Variants in LAMA3 observed in about 807,000 individuals in gnomAD.
LAMA3 encodes the protein laminin subunit alpha-3.
In LAMA3, 281 loss-of-function variants were observed where a neutral mutation model predicts 402.0. The observed-to-expected ratio is 0.70, with a 90% CI of 0.63 to 0.77. The LOEUF is 0.77. LAMA3 is among the 30% of genes least tolerant of loss of function. The pLI is 0.00. For synonymous variants in LAMA3, 1,431 were observed against 1,558.4 expected, an observed-to-expected ratio of 0.92 and a Z score of 1.93; for missense variants, 3,840 against 4,215.5, an observed-to-expected ratio of 0.91 and a Z score of 2.47.
intron 1 of LAMA3, among the ~76,000 whole-genome samples, chr18:23,706,389 G>T (rs1222281458): frequency 1.3e-5 from 2 of 152,086 alleles, no homozygotes; most frequent in South Asian, 2.1e-4. Context: ...AACTTTAGGT[G>T]GTAATACTAA....
chr18:23,867,751 A>G (rs1254399875), intron 36 of LAMA3, 83 bp from the exon 37 acceptor site: 2 of 1,062,260 alleles, frequency 1.9e-6, no homozygotes, highest in Non-Finnish European at 2.9e-6. Flanking sequence ...GATGTAGACC[A>G]TAGAAATGTT....
At position 23,842,534 on chromosome 18, in the gene LAMA3, G is replaced by A; in HGVS notation, c.3463+13G>A. On this transcript the variant is annotated intron_variant, in intron 28 of 74. Transcript: ENST00000313654. ...TGGCCACGGGCAGGTGAGCTGCAGT[G>A]AGCAGGCCCTGCTGCCTGCCTCAGG... The A allele has an allele frequency of 1.2e-6, 2 of 1,614,222 alleles. No individual in the cohort carries two copies. The highest frequency in any genetic ancestry group is 8.5e-7 in the Non-Finnish European group (1 of 1,180,040).
Position 23,773,577 on chromosome 18 carries a change from T to C in LAMA3, c.1263T>C (p.Asp421=). The change falls in exon 9 of 75, where the codon GAT becomes GAC. Residue 421 remains aspartate (D), a synonymous_variant. Coordinates refer to ENST00000313654, the MANE Select transcript of LAMA3 (RefSeq NM_198129.4). ...RPYGVPVDAP[D]GCIPCSCDPE... is the part of the protein sequence containing the mutation. The stretch of plus-strand genomic sequence containing the variant: ...ATGGGGTTCCAGTGGATGCCCCTGA[T>C]GGCTGCATCCGTAAGTTTCATTTCA... The C allele has an allele frequency of 6.3e-7, 1 of 1,580,190 alleles. No individual in the cohort carries two copies. The highest frequency in any genetic ancestry group is 8.6e-7 in the Non-Finnish European group (1 of 1,157,972).
intron 12 of LAMA3, among the ~76,000 whole-genome samples, chr18:23,807,381 G>C (rs2062982168): frequency 6.6e-6 from 1 of 151,930 alleles, no homozygotes; most frequent in Non-Finnish European, 1.5e-5. Context: ...TATTAGTCAG[G>C]GTTCTCTAGA....
chr18:23,804,684 A>C (rs2062928884), intron 12 of LAMA3, among the ~76,000 whole-genome samples: 1 of 152,178 alleles, frequency 6.6e-6, no homozygotes, highest in Non-Finnish European at 1.5e-5. Context: ...CCTCGTGTTG[A>C]AATCTGATCC....
At chr18:23,889,968 T>G in intron 41 of LAMA3, 43 bp from the exon 42 acceptor site, 1 of 1,429,358 alleles carries the variant, frequency 7.0e-7, no homozygotes, top group Non-Finnish European at 9.9e-7. Context: ...AGATAAACGA[T>G]GAGTTATTTG....
chr18:23,876,464 C>G (rs915778319), intron 39 of LAMA3, 57 bp downstream of exon 39: 2 of 1,139,438 alleles, frequency 1.8e-6, no homozygotes, highest in Non-Finnish European at 2.7e-6. Flanking sequence ...CCTCCATTCC[C>G]CTGTACTATG....
Position 23,931,295 on chromosome 18 carries a change from C to T in LAMA3, c.8576+94C>T, listed in dbSNP as rs2082155633. The T allele has an allele frequency of 4.9e-6, 5 of 1,027,848 alleles. No homozygotes were observed. The South Asian group carries it at 6.4e-5, about 13-fold the overall frequency. The allele number at this position is 1,027,848 out of a possible 1,614,324, so 63.7% of individuals were successfully genotyped here. A position where few individuals can be genotyped will look rare whatever the true frequency, so the allele number is the denominator to read the frequency against. ...TGGTGTCTTTTTGCAAAATATTTGT[C>T]CTTGATACCAAAAATACTTCACTAA... On this transcript the variant is annotated intron_variant, in intron 65 of 74. Transcript: ENST00000313654.
intron 2 of LAMA3, among the ~76,000 whole-genome samples, chr18:23,736,451 T>A (rs1375954474): frequency 6.6e-6 from 1 of 151,748 alleles, no homozygotes; most frequent in African/African-American, 2.4e-5. Flanking sequence ...AACATTAGAT[T>A]ATTTTATATA....
chr18:23,747,265 G>A (rs1222897705), intron 2 of LAMA3, among the ~76,000 whole-genome samples: 1 of 152,170 alleles, frequency 6.6e-6, no homozygotes, highest in Non-Finnish European at 1.5e-5. Flanking sequence ...AGGCTCCTGG[G>A]ATTCACACAT....
intron 7 of LAMA3, among the ~76,000 whole-genome samples, chr18:23,759,971 G>A (rs536044524): frequency 6.6e-6 from 1 of 152,316 alleles, no homozygotes; most frequent in East Asian, 1.9e-4. Flanking sequence ...GGACCAGAGA[G>A]AGAGAAAGGT....
intron 12 of LAMA3, among the ~76,000 whole-genome samples, chr18:23,808,891 C>A (rs1339735779): frequency 1.3e-5 from 2 of 152,212 alleles, no homozygotes; most frequent in Admixed American, 1.3e-4. Flanking sequence ...ATTACCAGAA[C>A]TGGGGCTTTA....
Position 23,749,857 on chromosome 18 carries a change from C to CT in LAMA3, c.684+313dup, listed in dbSNP as rs568762671. Among the ~76,000 whole-genome samples, 814 of 152,234 alleles carry CT rather than the reference C, an allele frequency of 5.3e-3. 7 individuals carry two copies. Among genetic ancestry groups the CT allele is most frequent in the African/African-American group, 0.019 (781 of 41,538 alleles). On this transcript the variant is annotated intron_variant, in intron 4 of 74. Coordinates refer to ENST00000313654, the MANE Select transcript of LAMA3 (RefSeq NM_198129.4). ...TTGCTGGTAACTGAAATGATGACCC[C>CT]TTACCTCTTCACCTATGATCCCATG... is the stretch of plus-strand genomic sequence containing the variant.
rs116103556 is a variant in LAMA3, at chr18:23,855,108, A to G, written c.4137-2736A>G. 3.7e-3 allele frequency among the ~76,000 whole-genome samples: 562 copies of G among 152,328 alleles called. 2 individuals are homozygous for G. Among genetic ancestry groups the G allele is most frequent in the African/African-American group, 0.012 (485 of 41,574 alleles). On this transcript the variant is annotated intron_variant, in intron 32 of 74. Transcript: ENST00000313654. ...TGCCCAGATCACTTGCTCAGGGGAC[A>G]CTCTGAGTTGTGCCCACCAATGGCG...
intron 47 of LAMA3, among the ~76,000 whole-genome samples, chr18:23,900,893 CT>C (rs1193765131): frequency 6.6e-6 from 1 of 152,198 alleles, no homozygotes; most frequent in Non-Finnish European, 1.5e-5. Flanking sequence ...GCTTCCATCT[CT>C]TTATCTAAAA....
intron 12 of LAMA3, among the ~76,000 whole-genome samples, chr18:23,800,830 C>A (rs2062852877): frequency 2.6e-5 from 4 of 152,130 alleles, no homozygotes. Context: ...GTCCTTCAGG[C>A]TCATCCGTGT....
chr18:23,880,649 C>T (rs370752973), intron 39 of LAMA3, among the ~76,000 whole-genome samples: 3 of 152,184 alleles, frequency 2.0e-5, no homozygotes, highest in South Asian at 2.1e-4. Context: ...GAGGCCGAGG[C>T]GGGCGAATCA....
intron 19 of LAMA3, 114 bp from the exon 20 acceptor site, chr18:23,822,138 T>C: frequency 9.1e-7 from 1 of 1,098,390 alleles, no homozygotes; most frequent in South Asian, 1.3e-5. Context: ...TGTGTGTGTA[T>C]GTGTGTACAT....
At chr18:23,804,910 A>G (rs2062933130) in intron 12 of LAMA3, among the ~76,000 whole-genome samples, 1 of 152,100 alleles carries the variant, frequency 6.6e-6, no homozygotes, top group African/African-American at 2.4e-5. Flanking sequence ...CATGGGTTGT[A>G]AGTTCCCTGA....
Sources: allele counts gnomAD v4.1 joint callset (sites outside exome capture counted in the v4.1 genomes callset), GRCh38; gene constraint gnomAD v4.1.1; transcripts MANE v1.5; gene names NCBI Gene and HGNC (gene_info 2026-07-23, HGNC 2026-07-21).